Variants in FNBP4 observed in about 807,000 individuals in gnomAD.
FNBP4 encodes the protein formin-binding protein 4.
A neutral mutation model predicts 119.3 loss-of-function variants in FNBP4; 34 were observed. That is an observed-to-expected ratio of 0.28 (90% CI 0.22 to 0.38). FNBP4 has a LOEUF of 0.38. FNBP4 is among the 10% of genes least tolerant of loss of function. FNBP4 has a pLI of 1.00. For missense variants in FNBP4, 1,112 were observed against 1,228.9 expected (o/e 0.90, Z 1.42); for synonymous variants, 462 against 430.6 (o/e 1.07, Z -0.90).
chr11:47,721,847 C>T (rs1398287218), intron 15 of FNBP4, among the ~76,000 whole-genome samples: 2 of 149,150 alleles, frequency 1.3e-5, no homozygotes, highest in African/African-American at 4.9e-5. Context: ...GCCTTTATCT[C>T]GTCTCCTCAG....
chr11:47,755,861 A>G (rs1336097945), intron 2 of FNBP4, among the ~76,000 whole-genome samples: 1 of 152,132 alleles, frequency 6.6e-6, no homozygotes, highest in Non-Finnish European at 1.5e-5. Context: ...ATTTCAATCA[A>G]TTATTCAATC....
At chr11:47,760,031 A>C (rs2097629860) in intron 2 of FNBP4, among the ~76,000 whole-genome samples, 1 of 152,216 alleles carries the variant, frequency 6.6e-6, no homozygotes, top group South Asian at 2.1e-4. Context: ...AGTTTCAATC[A>C]GGTAAGCTGC....
chr11:47,762,650 T>G (rs971437174), intron 2 of FNBP4, among the ~76,000 whole-genome samples: 1 of 151,700 alleles, frequency 6.6e-6, no homozygotes, highest in African/African-American at 2.4e-5. Context: ...TGATGGCTCA[T>G]GCGTTTAATC....
At position 47,732,692 on chromosome 11, in the gene FNBP4, G is replaced by GT; in HGVS notation, c.1687-23dup. On this transcript the variant is annotated intron_variant, in intron 10 of 16. Coordinates refer to ENST00000263773, the MANE Select transcript of FNBP4 (RefSeq NM_015308.5). This position sits in a 1 kb window ranked among gnomAD's most constrained non-coding sequence, Gnocchi z 4.2. ...GAGTCTAGAATAAACAGACAAATAA[G>GT]TTAAAGACTTATTATTACATGTCAG... is the stretch of plus-strand genomic sequence containing the variant. 6.2e-7 allele frequency: 1 copy of GT among 1,610,078 alleles called. No homozygotes were observed. The highest frequency in any genetic ancestry group is 8.5e-7 in the Non-Finnish European group (1 of 1,176,330).
intron 2 of FNBP4, among the ~76,000 whole-genome samples, chr11:47,754,899 T>C (rs569448439): frequency 8.7e-4 from 132 of 152,180 alleles, no homozygotes; most frequent in African/African-American, 3.1e-3. Context: ...TCCCAGCACT[T>C]TGGGAGGCCG....
chr11:47,740,648 C>T (rs1158168987), intron 8 of FNBP4, among the ~76,000 whole-genome samples: 1 of 151,216 alleles, frequency 6.6e-6, no homozygotes, highest in African/African-American at 2.5e-5. Context: ...GGCTGAAGTG[C>T]AGTGGCACAA....
intron 15 of FNBP4, among the ~76,000 whole-genome samples, chr11:47,721,101 C>T (rs150709788): frequency 1.9e-3 from 296 of 151,970 alleles, no homozygotes; most frequent in African/African-American, 7.0e-3. Flanking sequence ...GCGGGAGGAT[C>T]ACGAGGTCAG....
chr11:47,718,674 A>T (rs980845513), intron 16 of FNBP4, among the ~76,000 whole-genome samples: 5 of 152,238 alleles, frequency 3.3e-5, no homozygotes, highest in Non-Finnish European at 5.9e-5. Flanking sequence ...AGTAATAGAC[A>T]GCTATATTCT....
intron 6 of FNBP4, among the ~76,000 whole-genome samples, chr11:47,749,207 T>C (rs1451282564): frequency 6.6e-6 from 1 of 151,798 alleles, no homozygotes; most frequent in African/African-American, 2.4e-5. Context: ...GGAGAGTAAA[T>C]CTGCAGTGAG....
chr11:47,737,123 G>A (rs7116320), intron 8 of FNBP4, among the ~76,000 whole-genome samples: 88,240 of 151,848 alleles, frequency 0.58, 25,918 homozygotes, highest in Admixed American at 0.65. Flanking sequence ...CCCGAGAGGC[G>A]GAGGTTGCAG....
At chr11:47,723,934 G>A in intron 14 of FNBP4, 94 bp downstream of exon 14, 2 of 1,076,176 alleles carry the variant, frequency 1.9e-6, no homozygotes, top group Non-Finnish European at 2.6e-6. Context: ...TTGCAATCAA[G>A]AGCCTTTAAC....
At position 47,723,109 on chromosome 11, in the gene FNBP4, A is replaced by G; in HGVS notation, c.2672T>C (p.Val891Ala). The G allele has an allele frequency of 1.2e-6, 2 of 1,613,990 alleles. No homozygotes were observed. The highest frequency in any genetic ancestry group is 1.7e-6 in the Non-Finnish European group (2 of 1,179,996). ...GGTAGGCACAGCACCTCGGGCCTGA[A>G]CTGGCTGCAATGAGGGAGCAGTCAC... ...IGVTAPSLQP[V>A]QARGAVPTAT... Residue 891 changes from valine to alanine, a missense_variant, in exon 15 of 17, where the codon GTT becomes GCT. Around this residue, in one of 2 missense-constraint regions of FNBP4, gnomAD observed 826 missense variants for 988.8 expected, o/e 0.84. Coordinates refer to ENST00000263773, the MANE Select transcript of FNBP4 (RefSeq NM_015308.5).
chr11:47,740,928 G>A (rs2097581128), intron 8 of FNBP4, among the ~76,000 whole-genome samples: 2 of 148,996 alleles, frequency 1.3e-5, no homozygotes, highest in Admixed American at 6.7e-5. Flanking sequence ...TCATTCTATT[G>A]CCCAGGCTGG....
chr11:47,742,574 T>C (rs2097583855), intron 8 of FNBP4, among the ~76,000 whole-genome samples: 1 of 151,164 alleles, frequency 6.6e-6, no homozygotes, highest in South Asian at 2.1e-4. Flanking sequence ...CTTTATGTTA[T>C]TTCGAACTGC....
chr11:47,717,386 A>G lies in FNBP4; in HGVS notation c.*36T>C, dbSNP rs777876647. On this transcript the variant is annotated 3_prime_UTR_variant, in exon 17 of 17. Coordinates refer to ENST00000263773, the MANE Select transcript of FNBP4 (RefSeq NM_015308.5). The stretch of plus-strand genomic sequence containing the variant: ...TAAGACTTTGAACTGAACACAAAAC[A>G]AACAATAATACAAAAAAGTTTTAAA... 1.4e-6 allele frequency: 2 copies of G among 1,420,160 alleles called. No individual in the cohort carries two copies. The highest frequency in any genetic ancestry group is 2.0e-6 in the Non-Finnish European group (2 of 1,015,772). The allele number at this position is 1,420,160 out of a possible 1,614,324, so 88.0% of individuals were successfully genotyped here.
At chr11:47,724,376 C>T (rs541830758) in intron 13 of FNBP4, 92 bp downstream of exon 13, 114 of 1,590,556 alleles carry the variant, frequency 7.2e-5, no homozygotes, top group East Asian at 1.1e-4. Flanking sequence ...CCACCGTGCC[C>T]GGCCTTTAAA....
chr11:47,731,650 C>T, intron 11 of FNBP4, 89 bp from the exon 12 acceptor site: 1 of 1,510,632 alleles, frequency 6.6e-7, no homozygotes, highest in South Asian at 1.4e-5. Context: ...CAGCAGTCTG[C>T]TTTCACAGGG....
chr11:47,723,028 G>C lies in FNBP4; in HGVS notation c.2753C>G (p.Pro918Arg). 6.4e-7 allele frequency: 1 copy of C among 1,572,594 alleles called. No individual in the cohort carries two copies. Among genetic ancestry groups the C allele is most frequent in the Non-Finnish European group, 8.6e-7 (1 of 1,158,472 alleles). The change falls in exon 15 of 17, where the codon CCA becomes CGA. Residue 918 changes from proline (P) to arginine (R), a missense_variant. Around this residue, in one of 2 missense-constraint regions of FNBP4, gnomAD observed 826 missense variants for 988.8 expected, o/e 0.84. Coordinates refer to ENST00000263773, the MANE Select transcript of FNBP4 (RefSeq NM_015308.5). ...TTCAGGTGGTGGCATTTTGGGAGCT[G>C]GTGGTGGTGGAGGAGGAGGAGGAGG... ...PPPPPPPPPP[P>R]APKMPPPEKT... is the part of the protein sequence containing the mutation.
intron 12 of FNBP4, among the ~76,000 whole-genome samples, chr11:47,728,118 C>A (rs981812624): frequency 6.6e-6 from 1 of 151,964 alleles, no homozygotes; most frequent in South Asian, 2.1e-4. Flanking sequence ...TCAGGTGATC[C>A]TCCTGCCTCA....
Sources: gnomAD v4.1 joint callset for allele counts (sites outside exome capture counted in the v4.1 genomes callset) on GRCh38, gnomAD v4.1.1 for gene constraint, gnomAD v4.1.1 regional missense constraint, Gnocchi (gnomAD v3.1) non-coding constraint, MANE v1.5 for transcripts, NCBI Gene and HGNC (gene_info 2026-07-23, HGNC 2026-07-21) for gene names.